The following KCNIP4 variants were observed in gnomAD, a reference collection of about 807,000 sequenced individuals.
KCNIP4 encodes the protein Kv channel-interacting protein 4.
Under a neutral mutation model 34.0 loss-of-function variants are expected in KCNIP4, and 12 were observed. The ratio of observed to expected loss-of-function variants is 0.35; its 90% confidence interval spans 0.23 to 0.57. KCNIP4 has a LOEUF of 0.57. KCNIP4 is among the 20% of genes least tolerant of loss of function. The pLI is 0.83. For synonymous variants in KCNIP4, 124 were observed against 102.2 expected (o/e 1.21, Z -1.29); for missense variants, 238 against 311.7 (o/e 0.76, Z 1.78).
intron 1 of KCNIP4, among the ~76,000 whole-genome samples, chr4:21,482,831 T>C (rs1731554238): frequency 1.3e-5 from 2 of 152,090 alleles, no homozygotes; most frequent in South Asian, 2.1e-4. Flanking sequence ...TGGCATCCTC[T>C]ATATTTCCTG....
chr4:20,843,406 A>G (rs1434610608), intron 3 of KCNIP4, among the ~76,000 whole-genome samples: 1 of 152,212 alleles, frequency 6.6e-6, no homozygotes, highest in East Asian at 1.9e-4. Flanking sequence ...TATGATTTCA[A>G]ATGTTTAGCA....
chr4:21,415,019 C>A (rs1367027084), intron 1 of KCNIP4, among the ~76,000 whole-genome samples: 2 of 151,964 alleles, frequency 1.3e-5, no homozygotes, highest in Non-Finnish European at 2.9e-5. Flanking sequence ...ACTATAGTCA[C>A]CCTGTTGTGC....
intron 1 of KCNIP4, among the ~76,000 whole-genome samples, chr4:21,881,353 T>C (rs1241921645): frequency 6.6e-6 from 1 of 152,252 alleles, no homozygotes; most frequent in African/African-American, 2.4e-5. Context: ...TTGGATTATA[T>C]GTAGGGTTTA....
At chr4:21,908,940 TGTTATGGGATAC>T (rs1728150127) in intron 1 of KCNIP4, among the ~76,000 whole-genome samples, 1 of 152,136 alleles carries the variant, frequency 6.6e-6, no homozygotes, top group Admixed American at 6.6e-5. Context: ...TGAGTTTGTG[TGTTATGGGATAC>T]GTTTTCTTGA....
At chr4:20,859,654 A>T (rs1019239998) in intron 2 of KCNIP4, among the ~76,000 whole-genome samples, 3 of 152,230 alleles carry the variant, frequency 2.0e-5, no homozygotes, top group Non-Finnish European at 4.4e-5. Context: ...TGCGTTTTAA[A>T]AATAGTCATC....
At chr4:21,080,520 C>A (rs1745911868) in intron 1 of KCNIP4, among the ~76,000 whole-genome samples, 1 of 151,780 alleles carries the variant, frequency 6.6e-6, no homozygotes, top group South Asian at 2.1e-4. Context: ...CTTACCTTTA[C>A]AAATTATTTT....
intron 8 of KCNIP4, chr4:20,731,225 G>A (rs187642505): frequency 7.7e-5 from 15 of 194,832 alleles, no homozygotes; most frequent in South Asian, 3.5e-4. Context: ...ACGTGCCACC[G>A]TGCCCAGCTA....
Position 20,882,647 on chromosome 4 carries a change from G to T in KCNIP4, c.124C>A (p.Pro42Thr), listed in dbSNP as rs1232441540. ...GACGACGTTTTGGCAGCTGAGCAGG[G>T]CAAGAGCTTCATGAGCCGCTCTTTA... ...SIKERLMKLL[P>T]CSAAKTSSPA... Residue 42 changes from proline (P) to threonine (T), a missense_variant, in exon 2 of 9, where the codon CCC becomes ACC. Transcript: ENST00000382152. The T allele has an allele frequency of 6.2e-7, 1 of 1,613,668 alleles. No individual in the cohort carries two copies. Among genetic ancestry groups the T allele is most frequent in the Non-Finnish European group, 8.5e-7 (1 of 1,179,826 alleles).
intron 1 of KCNIP4, among the ~76,000 whole-genome samples, chr4:21,539,498 A>G: frequency 6.6e-6 from 1 of 152,172 alleles, no homozygotes; most frequent in East Asian, 1.9e-4. Flanking sequence ...ACATTGGTTT[A>G]TTTGGTATTA....
At chr4:21,333,257 T>A (rs1271262988) in intron 1 of KCNIP4, among the ~76,000 whole-genome samples, 5 of 150,422 alleles carry the variant, frequency 3.3e-5, no homozygotes, top group Non-Finnish European at 5.9e-5. Flanking sequence ...AGAGTATAAA[T>A]TTTTTTTAGG....
chr4:21,540,159 T>C (rs1447194615), intron 1 of KCNIP4, among the ~76,000 whole-genome samples: 1 of 152,222 alleles, frequency 6.6e-6, no homozygotes, highest in African/African-American at 2.4e-5. Context: ...TCTCAATATT[T>C]CTTTCTACTA....
intron 3 of KCNIP4, among the ~76,000 whole-genome samples, chr4:20,842,252 G>A (rs959482252): frequency 1.1e-4 from 17 of 152,300 alleles, no homozygotes; most frequent in African/African-American, 3.8e-4. Context: ...AAGTATGGAT[G>A]TGGAGAAGGT....
rs1035771782 is a variant in KCNIP4, at chr4:21,200,835, T to A, written c.62-318126A>T. On this transcript the variant is annotated intron_variant, in intron 1 of 8. Transcript: ENST00000382152. ...TTTTTTTAAAAAAAGCATCGTTCCA[T>A]CCAGTGCCTGATTGTGTTGTGTTTT... is the stretch of plus-strand genomic sequence containing the variant. Among the ~76,000 whole-genome samples the A allele has an allele frequency of 2.6e-5, 4 of 151,976 alleles. No homozygotes were observed. The East Asian group carries it at 5.8e-4, about 22-fold the overall frequency.
chr4:21,551,422 A>G (rs1738575359), intron 1 of KCNIP4, among the ~76,000 whole-genome samples: 1 of 152,018 alleles, frequency 6.6e-6, no homozygotes, highest in Admixed American at 6.6e-5. Flanking sequence ...TCTTCTTGCC[A>G]CTACAATACT....
intron 4 of KCNIP4, among the ~76,000 whole-genome samples, chr4:20,754,720 T>G (rs1754213252): frequency 6.6e-6 from 1 of 152,168 alleles, no homozygotes; most frequent in African/African-American, 2.4e-5. Context: ...CCCTTTGGAT[T>G]TTGTGATAGG....
intron 1 of KCNIP4, among the ~76,000 whole-genome samples, chr4:21,558,216 G>A (rs962615700): frequency 6.6e-6 from 1 of 152,138 alleles, no homozygotes; most frequent in Non-Finnish European, 1.5e-5. Flanking sequence ...TTAGGACCTG[G>A]TGCAGTGGCT....
chr4:21,370,882 C>CACACGTGTGT (rs367553482), intron 1 of KCNIP4, among the ~76,000 whole-genome samples: 3 of 39,394 alleles, frequency 7.6e-5, no homozygotes, highest in African/African-American at 1.0e-4. Flanking sequence ...CACACACACA[C>CACACGTGTGT]GTGTGTGTGT....
chr4:21,098,524 T>C (rs895970831), intron 1 of KCNIP4, among the ~76,000 whole-genome samples: 11 of 152,164 alleles, frequency 7.2e-5, no homozygotes, highest in African/African-American at 2.7e-4. Context: ...ACTTACTGTG[T>C]TTGTCCTGTT....
intron 3 of KCNIP4, among the ~76,000 whole-genome samples, chr4:20,779,681 C>T (rs1425222375): frequency 1.3e-5 from 2 of 148,876 alleles, no homozygotes; most frequent in Admixed American, 6.8e-5. Context: ...TCCAAGTGGG[C>T]CTTTTAGGCT....
Sources: allele counts gnomAD v4.1 joint callset (sites outside exome capture counted in the v4.1 genomes callset), GRCh38; gene constraint gnomAD v4.1.1; transcripts MANE v1.5; gene names NCBI Gene and HGNC (gene_info 2026-07-23, HGNC 2026-07-21).